PTK2: variants seen among roughly 807,000 people sequenced by gnomAD.
The protein encoded by PTK2 is protein tyrosine kinase 2.
Under a neutral mutation model 150.1 loss-of-function variants are expected in PTK2, and 45 were observed. That is an observed-to-expected ratio of 0.30 (90% CI 0.24 to 0.38). The LOEUF (loss-of-function observed/expected upper bound fraction) is 0.38, where lower values mean the gene tolerates loss of function less well. Among genes scored for constraint, PTK2 ranks in the 10% least tolerant of loss-of-function variants. The pLI is 1.00. For synonymous variants in PTK2, 432 were observed against 449.2 expected (o/e 0.96, Z 0.48); for missense variants, 919 against 1,307.3 (o/e 0.70, Z 4.58).
intron 1 of PTK2, among the ~76,000 whole-genome samples, chr8:141,000,267 C>A (rs1451749990): frequency 6.6e-6 from 1 of 152,292 alleles, no homozygotes; most frequent in East Asian, 1.9e-4. Context: ...CACAATGACT[C>A]CAGTGAGGAC....
chr8:140,846,895 T>C (rs966825613), intron 5 of PTK2, among the ~76,000 whole-genome samples: 2 of 152,210 alleles, frequency 1.3e-5, no homozygotes, highest in Non-Finnish European at 2.9e-5. Context: ...TAAATAAATG[T>C]TTCTTCAGTA....
chr8:140,995,953 C>T (rs754882348), intron 1 of PTK2, among the ~76,000 whole-genome samples: 55 of 152,032 alleles, frequency 3.6e-4, no homozygotes, highest in Admixed American at 1.3e-3. Context: ...GGTGCAGTGG[C>T]TCACACCTGT....
chr8:140,885,104 G>A (rs946865917), intron 3 of PTK2, among the ~76,000 whole-genome samples: 2 of 152,192 alleles, frequency 1.3e-5, no homozygotes, highest in East Asian at 1.9e-4. Flanking sequence ...CTTGCCTGGT[G>A]TATGGGCATG....
chr8:140,885,131 T>C (rs910776268), intron 3 of PTK2, among the ~76,000 whole-genome samples: 13 of 152,208 alleles, frequency 8.5e-5, no homozygotes, highest in African/African-American at 2.9e-4. Context: ...TTTGTTCTAG[T>C]CCTTGTAATG....
At chr8:140,796,957 T>C (rs1257744755) in intron 12 of PTK2, among the ~76,000 whole-genome samples, 1 of 152,210 alleles carries the variant, frequency 6.6e-6, no homozygotes, top group Non-Finnish European at 1.5e-5. Flanking sequence ...TTACATCATG[T>C]ATGCATACTC....
intron 15 of PTK2, among the ~76,000 whole-genome samples, chr8:140,763,721 TA>T (rs2100070630): frequency 6.6e-6 from 1 of 152,076 alleles, no homozygotes; most frequent in Admixed American, 6.6e-5. Context: ...CCCTGAGGTG[TA>T]CAAACTGACG....
chr8:140,754,223 C>T (rs532970951), intron 16 of PTK2, among the ~76,000 whole-genome samples: 2 of 152,280 alleles, frequency 1.3e-5, no homozygotes, highest in East Asian at 3.9e-4. Flanking sequence ...TGACGTGGTC[C>T]TTGGAGGACA....
At chr8:140,787,232 A>G (rs1003425332) in intron 14 of PTK2, among the ~76,000 whole-genome samples, 19 of 152,218 alleles carry the variant, frequency 1.2e-4, no homozygotes, top group Non-Finnish European at 2.6e-4. Context: ...GGGGGTGTTA[A>G]AGCCAGACAT....
exon 19 of PTK2, chr8:140,744,682 G>A: frequency 6.3e-7 from 1 of 1,597,678 alleles, no homozygotes; most frequent in South Asian, 1.1e-5. Context: ...CTCTAGATAT[G>A]CAAGAGCTGT....
intron 19 of PTK2, among the ~76,000 whole-genome samples, chr8:140,744,017 T>A (rs888563708): frequency 3.3e-5 from 5 of 151,454 alleles, no homozygotes; most frequent in Non-Finnish European, 1.5e-5. Flanking sequence ...GATCTTGTGA[T>A]CTGCCCGCTT....
Position 140,864,454 on chromosome 8 carries a change from C to T in PTK2, c.363-55G>A, listed in dbSNP as rs879051602. The T allele has an allele frequency of 6.1e-5, 64 of 1,057,102 alleles. No individual in the cohort carries two copies. In the South Asian group the frequency reaches 9.4e-4, roughly 16 times the overall value. 65.5% of individuals were successfully genotyped at this position (1,057,102 alleles called of 1,614,324 possible). On this transcript the variant is annotated intron_variant, in intron 4 of 31. Coordinates refer to ENST00000522684, the Ensembl canonical transcript of PTK2. The stretch of plus-strand genomic sequence containing the variant: ...AGAAATCAGTCATTTTCTCAATTTA[C>T]AGTCTACAATTATAATATTGTGAGT...
At chr8:140,658,020 C>CA (rs1322158720) in exon 32 of PTK2, 3 of 152,168 alleles carry the variant, frequency 2.0e-5, no homozygotes, top group Admixed American at 6.5e-5. Context: ...CTGTGGCTCA[C>CA]AGAGATTCTA....
At chr8:140,867,751 G>A (rs916488232) in intron 4 of PTK2, among the ~76,000 whole-genome samples, 2 of 152,128 alleles carry the variant, frequency 1.3e-5, no homozygotes, top group African/African-American at 4.8e-5. Context: ...TAAAACGAAA[G>A]TTAAAAAGAA....
chr8:140,898,028 G>C (rs1006383997), intron 2 of PTK2, among the ~76,000 whole-genome samples: 1 of 152,130 alleles, frequency 6.6e-6, no homozygotes, highest in Non-Finnish European at 1.5e-5. Flanking sequence ...ACCAAAAACT[G>C]TTTTTACGTG....
At chr8:140,994,690 T>C (rs56222059) in intron 1 of PTK2, among the ~76,000 whole-genome samples, 5,230 of 152,248 alleles carry the variant, frequency 0.034, 309 homozygotes, top group African/African-American at 0.12. Flanking sequence ...CCATGACCTG[T>C]ACCCACATGA....
At chr8:140,865,065 C>T (rs976754592) in intron 4 of PTK2, among the ~76,000 whole-genome samples, 3 of 152,180 alleles carry the variant, frequency 2.0e-5, no homozygotes, top group African/African-American at 7.2e-5. Context: ...TATATCTTTG[C>T]CTCCACTTGG....
chr8:140,833,566 G>A (rs759955654), intron 7 of PTK2, among the ~76,000 whole-genome samples: 7 of 152,132 alleles, frequency 4.6e-5, no homozygotes, highest in Non-Finnish European at 7.3e-5. Context: ...CATGATCTGT[G>A]TGTTTGGGAC....
chr8:140,796,722 C>G (rs2100091824), intron 12 of PTK2, among the ~76,000 whole-genome samples: 1 of 152,140 alleles, frequency 6.6e-6, no homozygotes, highest in Admixed American at 6.5e-5. Flanking sequence ...TAAGAAAACC[C>G]TAAGGACTCA....
intron 31 of PTK2, 151 bp downstream of exon 35, chr8:140,664,766 C>T (rs2087601030): frequency 1.3e-6 from 1 of 763,836 alleles, no homozygotes. Context: ...CTGGTTGGGG[C>T]CAGTGTTAGA....
Sources: allele counts gnomAD v4.1 joint callset (sites outside exome capture counted in the v4.1 genomes callset), GRCh38; gene constraint gnomAD v4.1.1; transcripts MANE v1.5; gene names NCBI Gene and HGNC (gene_info 2026-07-23, HGNC 2026-07-21).